PCDHA2: variants seen among roughly 807,000 people sequenced by gnomAD.
PCDHA2 encodes the protein protocadherin alpha-2.
In PCDHA2, 58 loss-of-function variants were observed where a neutral mutation model predicts 66.0. The ratio of observed to expected loss-of-function variants is 0.88; its 90% CI spans 0.71 to 1.09. PCDHA2 has a LOEUF of 1.09. Ranked by LOEUF, PCDHA2 falls within the 50% of genes least tolerant of loss-of-function variation. PCDHA2 has a pLI of 0.00. For missense variants in PCDHA2, 1,267 were observed against 1,242.3 expected, an observed-to-expected ratio of 1.02 and a Z score of -0.30; for synonymous variants, 634 against 554.0, an observed-to-expected ratio of 1.14 and a Z score of -2.03.
rs112458290 is a variant in PCDHA2, at chr5:140,842,855, A to G, written c.2388+45503A>G. 3.5e-3 allele frequency: 5,603 copies of G among 1,593,762 alleles called. 526 individuals carry two copies. The African/African-American group carries it at 0.06, about 17-fold the overall frequency. On this transcript the variant is annotated intron_variant, in intron 1 of 3. Coordinates refer to ENST00000526136, the MANE Select transcript of PCDHA2 (RefSeq NM_018905.3). ...GCTGTCGAGCTACATTTCGGTGCACACGGAGAGCGGCAAGGTGTACGCGCT... is the reference window on the plus strand; with the variant it reads ...GCTGTCGAGCTACATTTCGGTGCACGCGGAGAGCGGCAAGGTGTACGCGCT...
chr5:140,847,369 A>G (rs1780982240), intron 1 of PCDHA2: 1 of 149,774 alleles, frequency 6.7e-6, no homozygotes. Context: ...ATACGAAATA[A>G]AAGATAAATA....
At chr5:140,883,217 G>A (rs868963567) in intron 1 of PCDHA2, 1 of 1,613,990 alleles carries the variant, frequency 6.2e-7, no homozygotes, top group Non-Finnish European at 8.5e-7. Context: ...GAAATTATAT[G>A]AAATATCCGT....
chr5:140,870,096 T>C, intron 1 of PCDHA2: 1 of 1,613,854 alleles, frequency 6.2e-7, no homozygotes, highest in Non-Finnish European at 8.5e-7. Context: ...CAATGGCAGG[T>C]CACTGTACAG....
At chr5:140,864,370 C>T (rs185774022) in intron 1 of PCDHA2, 45 of 152,264 alleles carry the variant, frequency 3.0e-4, no homozygotes, top group African/African-American at 8.2e-4. Flanking sequence ...TTTCTATAAT[C>T]GATAAGTTTA....
chr5:140,836,758 G>A (rs2150269396), intron 1 of PCDHA2: 3 of 1,572,392 alleles, frequency 1.9e-6, no homozygotes, highest in African/African-American at 2.7e-5. Context: ...AAATAATCTT[G>A]TTTCCAACAA....
chr5:141,000,393 C>CTATAAATATATA (rs1563650230), intron 3 of PCDHA2, among the ~76,000 whole-genome samples: 1 of 52,856 alleles, frequency 1.9e-5, no homozygotes, highest in African/African-American at 9.2e-5. Flanking sequence ...CTCTCTCTCT[C>CTATAAATATATA]TCTATATATA....
chr5:140,875,874 A>G (rs782173743), intron 1 of PCDHA2: 2 of 1,614,188 alleles, frequency 1.2e-6, no homozygotes, highest in East Asian at 4.5e-5. Context: ...CGGTGTTCAG[A>G]GAAAGGGAAC....
chr5:140,833,753 C>CAT (rs1554133947), intron 1 of PCDHA2, among the ~76,000 whole-genome samples: 1 of 148,592 alleles, frequency 6.7e-6, no homozygotes, highest in East Asian at 1.9e-4. Context: ...AAAAAGAAAA[C>CAT]ACACACACAC....
At chr5:140,859,812 C>T (rs1238470034) in intron 1 of PCDHA2, 3 of 152,286 alleles carry the variant, frequency 2.0e-5, no homozygotes, top group African/African-American at 7.3e-5. Flanking sequence ...TAAGTTAATG[C>T]AGAGTTTAGA....
intron 3 of PCDHA2, among the ~76,000 whole-genome samples, chr5:141,005,325 A>G (rs1430982331): frequency 6.6e-6 from 1 of 152,226 alleles, no homozygotes; most frequent in Non-Finnish European, 1.5e-5. Context: ...GTAGAGAATA[A>G]TAGGCCAAGG....
chr5:140,834,478 A>G (rs1554134254), intron 1 of PCDHA2: 1 of 1,614,162 alleles, frequency 6.2e-7, no homozygotes, highest in East Asian at 2.2e-5. Context: ...GGCCAGCTCC[A>G]CTACTCGGTC....
At chr5:140,968,050 C>T (rs782392575) in intron 1 of PCDHA2, 12 of 1,614,178 alleles carry the variant, frequency 7.4e-6, no homozygotes, top group Admixed American at 1.7e-5. Flanking sequence ...GCCCACTGGA[C>T]CGAGAGCGGG....
In PCDHA2 at chr5:140,858,082, G is replaced by C; in HGVS notation, c.2388+60730G>C. 4 of 1,597,832 alleles carry C rather than the reference G, an allele frequency of 2.5e-6. 1 individual carries two copies. Among genetic ancestry groups the C allele is most frequent in the Non-Finnish European group, 3.4e-6 (4 of 1,167,698 alleles). ...AGGGCAGCCAGGCACCCAAGGCCTC[G>C]TCGCGGGCTTCAGTGGGCGTGGCGC... On this transcript the variant is annotated intron_variant, in intron 1 of 3. Transcript: ENST00000526136.
At chr5:140,848,593 A>G in intron 1 of PCDHA2, 1 of 1,593,964 alleles carries the variant, frequency 6.3e-7, no homozygotes, top group Non-Finnish European at 8.6e-7. Flanking sequence ...CAGCTCCACT[A>G]CTCCGTCCCG....
In PCDHA2 at chr5:140,803,707, C is replaced by G. The variant is rs190117993; in HGVS notation, c.2388+6355C>G. 173 of 1,515,308 alleles carry G rather than the reference C, an allele frequency of 1.1e-4. No homozygotes were observed. The East Asian group carries it at 3.8e-3, about 33-fold the overall frequency. The allele number at this position is 1,515,308 out of a possible 1,614,324, so 93.9% of individuals were successfully genotyped here. A position where few individuals can be genotyped will look rare whatever the true frequency, so the allele number is the denominator to read the frequency against. On this transcript the variant is annotated intron_variant, in intron 1 of 3. Transcript: ENST00000526136. ...ATGAATTATGTGATTCATAATTAGACTTTTCCAGTTTTGTGGTTTTGTGGT... is the reference window on the plus strand; with the variant it reads ...ATGAATTATGTGATTCATAATTAGAGTTTTCCAGTTTTGTGGTTTTGTGGT...
chr5:140,808,729 C>A, intron 1 of PCDHA2: 1 of 1,612,058 alleles, frequency 6.2e-7, no homozygotes, highest in Non-Finnish European at 8.5e-7. Flanking sequence ...ATGCGGAGAG[C>A]GGCAAGGTGT....
chr5:140,968,979 G>A (rs782482075), intron 1 of PCDHA2: 6 of 1,614,042 alleles, frequency 3.7e-6, no homozygotes, highest in South Asian at 3.3e-5. Context: ...ACTGCGTATG[G>A]CACTGCATGC....
At chr5:140,968,322 C>T (rs782755782) in intron 1 of PCDHA2, 9 of 1,614,122 alleles carry the variant, frequency 5.6e-6, no homozygotes, top group Non-Finnish European at 6.8e-6. Context: ...CTGCCAGTCA[C>T]CTCCTATGTC....
At chr5:140,809,014 C>A (rs1562221741) in intron 1 of PCDHA2, 11 of 1,613,716 alleles carry the variant, frequency 6.8e-6, no homozygotes, top group Non-Finnish European at 9.3e-6. Context: ...GGCTTTCGTA[C>A]GAGCTGCAGC....
Sources: allele counts gnomAD v4.1 joint callset (sites outside exome capture counted in the v4.1 genomes callset), GRCh38; gene constraint gnomAD v4.1.1; transcripts MANE v1.5; gene names NCBI Gene and HGNC (gene_info 2026-07-23, HGNC 2026-07-21).